The following ENKUR variants were observed in gnomAD, a reference collection of about 807,000 sequenced individuals.
The protein encoded by ENKUR is enkurin.
In ENKUR, 19 loss-of-function variants were observed where a neutral mutation model predicts 27.6. That is an observed-to-expected ratio of 0.69 (90% confidence interval 0.48 to 1.01). The LOEUF is 1.01. Ranked by LOEUF, ENKUR falls within the 50% of genes least tolerant of loss-of-function variation. The probability of loss-of-function intolerance (pLI) is 0.00; values close to 1 mark genes in which losing one functional copy is unlikely to be tolerated. For missense variants in ENKUR, 312 were observed against 310.5 expected (o/e 1.00, Z -0.04); for synonymous variants, 117 against 96.9 (o/e 1.21, Z -1.22).
At chr10:25,057,767 C>A (rs1851277819) in intron 2 of ENKUR, among the ~76,000 whole-genome samples, 1 of 152,008 alleles carries the variant, frequency 6.6e-6, no homozygotes, top group Admixed American at 6.6e-5. Context: ...TTTTGACCAG[C>A]ATTTTTTGTT....
At chr10:25,002,695 C>T (rs1588658174) in intron 1 of ENKUR, among the ~76,000 whole-genome samples, 1 of 152,192 alleles carries the variant, frequency 6.6e-6, no homozygotes, top group South Asian at 2.1e-4. Flanking sequence ...TATCTTCTTC[C>T]TTATGTAGAT....
intron 2 of ENKUR, chr10:25,024,139 C>G: frequency 6.2e-7 from 1 of 1,614,152 alleles, no homozygotes; most frequent in Admixed American, 1.7e-5. Flanking sequence ...TGCAGACATA[C>G]CTGCTGCCAG....
At chr10:25,002,023 T>C (rs773981796) in intron 1 of ENKUR, among the ~76,000 whole-genome samples, 1 of 152,240 alleles carries the variant, frequency 6.6e-6, no homozygotes, top group Non-Finnish European at 1.5e-5. Flanking sequence ...TTTCTGGGAT[T>C]CAGTTATGAT....
intron 2 of ENKUR, among the ~76,000 whole-genome samples, chr10:24,996,207 G>A (rs888546561): frequency 2.6e-5 from 4 of 152,216 alleles, no homozygotes; most frequent in East Asian, 1.9e-4. Context: ...CAGATCGCTT[G>A]AGCTCAGGAG....
chr10:25,020,740 CAAAAAA>C (rs36007062), upstream of ENKUR, among the ~76,000 whole-genome samples: 1 of 134,024 alleles, frequency 7.5e-6, no homozygotes, highest in South Asian at 2.2e-4. Context: ...GACCCTTTCT[CAAAAAA>C]AAAAAAAAAA....
rs571907400 is a variant in ENKUR, at chr10:25,004,072, T to C, written c.78-4526A>G. Among the ~76,000 whole-genome samples, 13 of 152,332 alleles carry C rather than the reference T, an allele frequency of 8.5e-5. No homozygotes were observed. In the South Asian group the frequency reaches 2.3e-3, roughly 27 times the overall value. On this transcript the variant is annotated intron_variant, in intron 1 of 5. Transcript: ENST00000331161. ...AATTATTTATTGGATAATTTTTACATGTACACATCCATGTCCCTGCAAAGA... is the reference window on the plus strand; with the variant it reads ...AATTATTTATTGGATAATTTTTACACGTACACATCCATGTCCCTGCAAAGA...
At chr10:25,004,409 T>A (rs980447878) in intron 1 of ENKUR, among the ~76,000 whole-genome samples, 5 of 152,174 alleles carry the variant, frequency 3.3e-5, no homozygotes, top group Non-Finnish European at 7.4e-5. Context: ...GAGTAAGTGT[T>A]CCTTTTTCTC....
intron 2 of ENKUR, among the ~76,000 whole-genome samples, chr10:25,052,069 A>G (rs7922657): frequency 0.82 from 124,371 of 152,206 alleles, 51,191 homozygotes; most frequent in African/African-American, 0.9. Context: ...CAGAAAGTCC[A>G]TTGTCATTTA....
rs1464477250 is a variant in ENKUR, at chr10:24,990,450, G to A, written c.594+13C>T. The A allele has an allele frequency of 6.2e-7, 1 of 1,602,994 alleles. No homozygotes were observed. The highest frequency in any genetic ancestry group is 8.5e-7 in the Non-Finnish European group (1 of 1,177,056). ...AAAGAGTTACAGATGAATGTAAATG[G>A]CAGAACACACACCTGCAAAACTGCC... On this transcript the variant is annotated intron_variant, in intron 4 of 5. Transcript: ENST00000331161.
chr10:25,028,787 C>T (rs539246906), intron 2 of ENKUR, among the ~76,000 whole-genome samples: 1 of 152,294 alleles, frequency 6.6e-6, no homozygotes, highest in African/African-American at 2.4e-5. Flanking sequence ...TGGAACACAA[C>T]TCACCTTTGG....
chr10:25,034,511 A>T (rs890490841), intron 2 of ENKUR, among the ~76,000 whole-genome samples: 4 of 152,212 alleles, frequency 2.6e-5, no homozygotes, highest in Non-Finnish European at 5.9e-5. Flanking sequence ...TTTAAATGTT[A>T]TAAAGCTCAA....
intron 1 of ENKUR, among the ~76,000 whole-genome samples, chr10:25,010,199 G>A (rs905261545): frequency 2.6e-5 from 4 of 152,100 alleles, no homozygotes; most frequent in East Asian, 1.9e-4. Flanking sequence ...GGTTTCAGAC[G>A]GAGATGAGGA....
At chr10:25,029,236 TTATG>T (rs1222835000) in intron 2 of ENKUR, among the ~76,000 whole-genome samples, 5 of 152,182 alleles carry the variant, frequency 3.3e-5, no homozygotes, top group Admixed American at 6.5e-5. Flanking sequence ...ATCTATGAGT[TTATG>T]AAATGAAAAT....
chr10:24,984,464 C>T (rs1203239892), intron 5 of ENKUR, 88 bp from the exon 6 acceptor site: 8 of 1,385,494 alleles, frequency 5.8e-6, no homozygotes, highest in Non-Finnish European at 9.8e-7. Flanking sequence ...GAAACAAGTA[C>T]ATAATAATAA....
At chr10:24,988,845 C>T (rs1848970140) in intron 4 of ENKUR, among the ~76,000 whole-genome samples, 1 of 151,574 alleles carries the variant, frequency 6.6e-6, no homozygotes, top group African/African-American at 2.4e-5. Context: ...GGACATACAA[C>T]CAGATTGTCA....
chr10:25,031,345 A>G (rs1186294513), intron 2 of ENKUR, among the ~76,000 whole-genome samples: 1 of 152,168 alleles, frequency 6.6e-6, no homozygotes, highest in African/African-American at 2.4e-5. Flanking sequence ...TTTTTTATGT[A>G]AAGATACTTG....
upstream of ENKUR, among the ~76,000 whole-genome samples, chr10:25,021,115 A>T (rs75532421): frequency 0.19 from 28,401 of 152,174 alleles, 3,303 homozygotes; most frequent in Middle Eastern, 0.31. Flanking sequence ...AAACCATAAA[A>T]AAAATGCACC....
At chr10:24,985,700 A>G (rs1429016930) in intron 4 of ENKUR, among the ~76,000 whole-genome samples, 1 of 152,248 alleles carries the variant, frequency 6.6e-6, no homozygotes, top group African/African-American at 2.4e-5. Context: ...CCACAGACAA[A>G]ATGGTCTTAA....
rs181283331 is a variant in ENKUR at position 25,042,966 on chromosome 10, A to G, written c.37+18146T>C. 1.7e-3 allele frequency among the ~76,000 whole-genome samples: 260 copies of G among 152,334 alleles called. 3 individuals carry two copies. Among genetic ancestry groups the G allele is most frequent in the African/African-American group, 6.1e-3 (252 of 41,580 alleles). On this transcript the variant is annotated intron_variant, in intron 2 of 5. Coordinates refer to the ENKUR transcript ENST00000615958. The stretch of plus-strand genomic sequence containing the variant: ...ACAATCAGCAAAATTTGAGAGAAAT[A>G]TTTGGATTAGGTGGTAATAATAGAT...
Sources: gnomAD v4.1 joint callset for allele counts (sites outside exome capture counted in the v4.1 genomes callset) on GRCh38, gnomAD v4.1.1 for gene constraint, MANE v1.5 for transcripts, NCBI Gene and HGNC (gene_info 2026-07-23, HGNC 2026-07-21) for gene names.